Variants in ARB2A observed in about 807,000 individuals in gnomAD.
ARB2A encodes the protein ARB2 cotranscriptional regulator A, also known as cotranscriptional regulator ARB2A.
At chr5:93,647,629 T>C in the ARB2A span, among the ~76,000 whole-genome samples, 1 of 152,120 alleles carries the variant, frequency 6.6e-6, no homozygotes. Flanking sequence ...GTTCAAGCGA[T>C]TTTCCTGCCT....
At chr5:93,926,846 C>T in the ARB2A span, among the ~76,000 whole-genome samples, 1 of 150,286 alleles carries the variant, frequency 6.7e-6, no homozygotes, top group East Asian at 2.0e-4. Flanking sequence ...AGGAGAGAAA[C>T]TATACTGCAG....
the ARB2A span, among the ~76,000 whole-genome samples, chr5:93,624,953 T>G: frequency 6.6e-6 from 1 of 152,154 alleles, no homozygotes. Flanking sequence ...ACCGTGTAAA[T>G]CGAAAGGGTC....
At chr5:94,107,092 G>C in the ARB2A span, among the ~76,000 whole-genome samples, 1 of 152,032 alleles carries the variant, frequency 6.6e-6, no homozygotes, top group Non-Finnish European at 1.5e-5. Context: ...GTTTAAAAAT[G>C]AAATAAAAAC....
At chr5:93,741,711 G>C in the ARB2A span, 1 of 929,640 alleles carries the variant, frequency 1.1e-6, no homozygotes. Flanking sequence ...GGGAAATCTG[G>C]TAGATCCATA....
chr5:94,076,497 C>G, the ARB2A span, among the ~76,000 whole-genome samples: 3 of 152,174 alleles, frequency 2.0e-5, no homozygotes, highest in African/African-American at 4.8e-5. Context: ...TCACTGCCCT[C>G]CTATGGCTTA....
At chr5:93,987,995 G>T in the ARB2A span, among the ~76,000 whole-genome samples, 1 of 152,070 alleles carries the variant, frequency 6.6e-6, no homozygotes, top group African/African-American at 2.4e-5. Context: ...GGCACTACCA[G>T]CCATCTAACT....
At chr5:93,852,357 C>A in the ARB2A span, among the ~76,000 whole-genome samples, 4 of 152,046 alleles carry the variant, frequency 2.6e-5, no homozygotes, top group African/African-American at 9.7e-5. Flanking sequence ...GATATTAGCC[C>A]TTTGTCAGAT....
the ARB2A span, among the ~76,000 whole-genome samples, chr5:93,874,407 C>T: frequency 1.7e-4 from 26 of 152,194 alleles, no homozygotes; most frequent in African/African-American, 5.8e-4. Flanking sequence ...TCAGCCTCAC[C>T]CACTGGTGTC....
the ARB2A span, among the ~76,000 whole-genome samples, chr5:94,053,391 C>T: frequency 1.3e-5 from 2 of 152,052 alleles, no homozygotes; most frequent in Non-Finnish European, 2.9e-5. Flanking sequence ...ATATTATGAT[C>T]AAGCACAGTA....
At chr5:94,014,167 C>T in the ARB2A span, among the ~76,000 whole-genome samples, 16 of 152,050 alleles carry the variant, frequency 1.1e-4, no homozygotes, top group Non-Finnish European at 2.2e-4. Flanking sequence ...AATGAGACAC[C>T]GAATCAAGAG....
the ARB2A span, among the ~76,000 whole-genome samples, chr5:93,916,890 A>G: frequency 1.3e-5 from 2 of 152,210 alleles, no homozygotes; most frequent in East Asian, 3.8e-4. Flanking sequence ...GACAGGTAGC[A>G]GCAAATGAAA....
chr5:93,830,299 A>ATG, the ARB2A span, among the ~76,000 whole-genome samples: 1,959 of 39,532 alleles, frequency 0.05, 76 homozygotes, highest in Admixed American at 0.14. Flanking sequence ...ATGTATATAT[A>ATG]TGTGTGTGTG....
the ARB2A span, among the ~76,000 whole-genome samples, chr5:93,952,858 ATTATT>A: frequency 1.2e-4 from 18 of 151,860 alleles, no homozygotes; most frequent in Non-Finnish European, 1.8e-4. Flanking sequence ...TTCATTCTTT[ATTATT>A]TTGTCTCTTA....
chr5:93,638,490 A>T, the ARB2A span, among the ~76,000 whole-genome samples: 7 of 152,028 alleles, frequency 4.6e-5, no homozygotes, highest in African/African-American at 1.2e-4. Flanking sequence ...CTATAAATGG[A>T]TCTTTAAACA....
At chr5:93,816,939 G>A in the ARB2A span, among the ~76,000 whole-genome samples, 2 of 152,002 alleles carry the variant, frequency 1.3e-5, no homozygotes, top group African/African-American at 4.8e-5. Context: ...TTGTACTAGA[G>A]GTTCTAGCCA....
At chr5:93,824,148 C>G in the ARB2A span, 6 of 1,578,292 alleles carry the variant, frequency 3.8e-6, no homozygotes, top group African/African-American at 1.4e-5. Flanking sequence ...AAGCACTTAC[C>G]AGTTCAACAA....
chr5:94,068,653 G>A, the ARB2A span, among the ~76,000 whole-genome samples: 1 of 152,002 alleles, frequency 6.6e-6, no homozygotes, highest in Admixed American at 6.6e-5. Context: ...TTGTATTTTA[G>A]TGAGCCCTCT....
the ARB2A span, among the ~76,000 whole-genome samples, chr5:94,034,850 T>C: frequency 6.6e-6 from 1 of 152,198 alleles, no homozygotes; most frequent in African/African-American, 2.4e-5. Context: ...GGAGCATTAC[T>C]GCCTAAGCTC....
chr5:94,108,854 GA>G, the ARB2A span, among the ~76,000 whole-genome samples: 3 of 151,694 alleles, frequency 2.0e-5, no homozygotes, highest in African/African-American at 4.8e-5. Context: ...TCAATTCCTC[GA>G]AAAAAAGTAT....
Sources: allele counts gnomAD v4.1 joint callset (sites outside exome capture counted in the v4.1 genomes callset), GRCh38; gene constraint gnomAD v4.1.1; transcripts MANE v1.5; gene names NCBI Gene and HGNC (gene_info 2026-07-23, HGNC 2026-07-21).